Variants in FER1L6 observed in about 807,000 individuals in gnomAD.
FER1L6 encodes fer-1 like family member 6.
Under a neutral mutation model 219.2 loss-of-function variants are expected in FER1L6, and 177 were observed. The ratio of observed to expected loss-of-function variants is 0.81; its 90% CI spans 0.71 to 0.91. The LOEUF is 0.91. FER1L6 is among the 40% of genes least tolerant of loss of function. The pLI is 0.00. For missense variants in FER1L6, 2,153 were observed against 2,259.9 expected (o/e 0.95, Z 0.96); for synonymous variants, 768 against 824.3 (o/e 0.93, Z 1.17).
intron 7 of FER1L6, among the ~76,000 whole-genome samples, chr8:123,973,914 T>G (rs1351460764): frequency 6.6e-6 from 1 of 152,356 alleles, no homozygotes; most frequent in South Asian, 2.1e-4. Flanking sequence ...TGAAGATAAC[T>G]TACTACTTCC....
Position 123,975,953 on chromosome 8 carries a change from G to A in FER1L6, c.739G>A (p.Val247Met), listed in dbSNP as rs925204194. The A allele has an allele frequency of 3.1e-6, 5 of 1,613,902 alleles. No individual in the cohort carries two copies. Among genetic ancestry groups the A allele is most frequent in the Non-Finnish European group, 4.2e-6 (5 of 1,179,940 alleles). Residue 247 changes from valine to methionine, a missense_variant, in exon 9 of 41, where the codon GTG (valine) becomes ATG (methionine). Transcript: ENST00000522917. ...PLERPWARFY[V>M]RLYKAEGLPK... ...GGAGAGACCGTGGGCCAGATTCTAT[G>A]TGAGACTCTACAAAGCAGAAGGGTT...
intron 1 of FER1L6, among the ~76,000 whole-genome samples, chr8:123,942,306 G>A (rs1229537324): frequency 6.6e-6 from 1 of 152,170 alleles, no homozygotes; most frequent in Admixed American, 6.5e-5. Flanking sequence ...CTCACCGCCA[G>A]GTCCTCTTCT....
In FER1L6 at chr8:123,883,870, G is replaced by A. The variant is rs948081475; in HGVS notation, c.-8+31685G>A. ...AGGGCTCTGTTCTCATGACTTCATC[G>A]CCTTTTAAACACCTCACCTCTTAAT... On this transcript the variant is annotated intron_variant, in intron 1 of 40. Transcript: ENST00000522917. Among the ~76,000 whole-genome samples the A allele has an allele frequency of 7.9e-5, 12 of 152,132 alleles. No homozygotes were observed. The South Asian group carries it at 1.9e-3, about 24-fold the overall frequency.
chr8:124,008,041 C>T (rs148417487), intron 13 of FER1L6, among the ~76,000 whole-genome samples: 4,598 of 152,230 alleles, frequency 0.03, 208 homozygotes, highest in East Asian at 0.11. Context: ...GCACCCATCA[C>T]CTGAGCAGTA....
rs558397477 is a variant in FER1L6 at position 123,901,063 on chromosome 8, T to C, written c.-8+48878T>C. ...CTTCTTTCTCTATCTTGTGGAATAG[T>C]GTCAAAAGGGTTAGAACCAATTCTT... On this transcript the variant is annotated intron_variant, in intron 1 of 40. Transcript: ENST00000522917. Among the ~76,000 whole-genome samples the C allele has an allele frequency of 7.9e-5, 12 of 152,336 alleles. No homozygotes were observed. In the East Asian group the frequency reaches 1.7e-3, roughly 22 times the overall value.
intron 1 of FER1L6, among the ~76,000 whole-genome samples, chr8:123,908,326 C>T (rs929858798): frequency 6.6e-6 from 1 of 152,220 alleles, no homozygotes; most frequent in African/African-American, 2.4e-5. Flanking sequence ...TCTTGTGAGG[C>T]TCTTACAAGA....
At chr8:124,072,131 A>G (rs1821103983) in intron 31 of FER1L6, among the ~76,000 whole-genome samples, 1 of 152,204 alleles carries the variant, frequency 6.6e-6, no homozygotes, top group Non-Finnish European at 1.5e-5. Flanking sequence ...ATGGTTGCCT[A>G]CGGCAGGAGA....
chr8:124,011,474 G>A (rs1479082086), intron 14 of FER1L6, among the ~76,000 whole-genome samples: 1 of 152,044 alleles, frequency 6.6e-6, no homozygotes, highest in Non-Finnish European at 1.5e-5. Context: ...TCCTGCCTCA[G>A]CCTCCCATAT....
chr8:124,057,157 C>T (rs1190882338), intron 22 of FER1L6, among the ~76,000 whole-genome samples: 2 of 152,240 alleles, frequency 1.3e-5, no homozygotes, highest in African/African-American at 4.8e-5. Context: ...CTTACCTCTT[C>T]TAGTGGTTCT....
chr8:124,022,521 G>T (rs972692810), intron 17 of FER1L6, among the ~76,000 whole-genome samples: 1 of 152,134 alleles, frequency 6.6e-6, no homozygotes, highest in East Asian at 1.9e-4. Flanking sequence ...TAATTAATTC[G>T]ACTTTAAATT....
At chr8:123,968,200 A>G (rs1234473251) in intron 5 of FER1L6, among the ~76,000 whole-genome samples, 2 of 152,184 alleles carry the variant, frequency 1.3e-5, no homozygotes, top group Non-Finnish European at 2.9e-5. Context: ...GAGATAATAT[A>G]TGAAAATGCT....
intron 12 of FER1L6, 116 bp downstream of exon 12, chr8:123,986,292 T>G (rs1816582323): frequency 1.6e-6 from 1 of 627,076 alleles, no homozygotes; most frequent in African/African-American, 1.9e-5. Context: ...GGTTTGCATC[T>G]CAGAATGAGA....
rs200293847 is a variant in FER1L6, at chr8:123,975,976, G to A, written c.762G>A (p.Gly254=). 2 of 1,613,966 alleles carry A rather than the reference G, an allele frequency of 1.2e-6. No individual in the cohort carries two copies. The highest frequency in any genetic ancestry group is 4.5e-5 in the East Asian group (2 of 44,878). The part of the protein sequence containing the change: ...RFYVRLYKAE[G]LPKMNSSIMA... ...ATGTGAGACTCTACAAAGCAGAAGGGTTGCCCAAAATGAATTCAAGCATCA... is the reference window on the plus strand; with the variant it reads ...ATGTGAGACTCTACAAAGCAGAAGGATTGCCCAAAATGAATTCAAGCATCA... Residue 254 remains glycine (G), a synonymous_variant, in exon 9 of 41, where the codon GGG becomes GGA. Transcript: ENST00000522917.
intron 18 of FER1L6, among the ~76,000 whole-genome samples, chr8:124,024,423 A>C (rs1319853294): frequency 7.3e-6 from 1 of 137,294 alleles, no homozygotes; most frequent in Non-Finnish European, 1.5e-5. Context: ...CCCATAGCTT[A>C]GTTCCTGCTT....
At chr8:123,935,724 G>T (rs1479355165) in intron 1 of FER1L6, among the ~76,000 whole-genome samples, 1 of 152,084 alleles carries the variant, frequency 6.6e-6, no homozygotes, top group Non-Finnish European at 1.5e-5. Context: ...AAAGCATATG[G>T]TAATTAAAAC....
At chr8:123,893,188 C>T (rs531142210) in intron 1 of FER1L6, among the ~76,000 whole-genome samples, 81 of 152,244 alleles carry the variant, frequency 5.3e-4, no homozygotes, top group African/African-American at 1.8e-3. Flanking sequence ...TAATCAGCTA[C>T]GGTCCAGAGC....
intron 1 of FER1L6, among the ~76,000 whole-genome samples, chr8:123,936,169 C>T (rs1412020044): frequency 6.6e-6 from 1 of 152,056 alleles, no homozygotes. Flanking sequence ...AGGAGGAATG[C>T]CAACAGCCTA....
intron 1 of FER1L6, among the ~76,000 whole-genome samples, chr8:123,936,462 GTTTTT>G (rs779012175): frequency 4.1e-5 from 4 of 97,926 alleles, no homozygotes; most frequent in African/African-American, 7.8e-5. Context: ...ATTGCAGCCT[GTTTTT>G]TTTTTTTTTT....
chr8:123,966,611 G>A lies in FER1L6; in HGVS notation c.384+321G>A, dbSNP rs777242105. Among the ~76,000 whole-genome samples the A allele has an allele frequency of 6.6e-5, 10 of 152,100 alleles. No homozygotes were observed. The East Asian group carries it at 1.2e-3, about 18-fold the overall frequency. On this transcript the variant is annotated intron_variant, in intron 5 of 40. Coordinates refer to ENST00000522917, the MANE Select transcript of FER1L6 (RefSeq NM_001039112.2). ...ATAGTCAATAAATTGATTGAATGTCGGTTAGGGAGAAGATACATATTCTTC... is the reference window on the plus strand; with the variant it reads ...ATAGTCAATAAATTGATTGAATGTCAGTTAGGGAGAAGATACATATTCTTC...
Sources: allele counts gnomAD v4.1 joint callset (sites outside exome capture counted in the v4.1 genomes callset), GRCh38; gene constraint gnomAD v4.1.1; transcripts MANE v1.5; gene names NCBI Gene and HGNC (gene_info 2026-07-23, HGNC 2026-07-21).